Variants in CRB1 observed in about 807,000 individuals in gnomAD.
The protein encoded by CRB1 is crumbs cell polarity complex component 1.
In CRB1, 83 loss-of-function variants were observed where a neutral mutation model predicts 120.0. That is an observed-to-expected ratio of 0.69 (90% CI 0.58 to 0.83). The LOEUF (loss-of-function observed/expected upper bound fraction) is 0.83, where lower values mean the gene tolerates loss of function less well. CRB1 is among the 40% of genes least tolerant of loss of function. CRB1 has a pLI of 0.00. For missense variants in CRB1, 1,699 were observed against 1,687.6 expected, an observed-to-expected ratio of 1.01 and a Z score of -0.12; for synonymous variants, 625 against 612.5, an observed-to-expected ratio of 1.02 and a Z score of -0.30.
chr1:197,438,529 TTGC>T lies in CRB1; in HGVS notation c.3750-16_3750-14del. The T allele has an allele frequency of 6.2e-7, 1 of 1,611,386 alleles. No homozygotes were observed. The highest frequency in any genetic ancestry group is 8.5e-7 in the Non-Finnish European group (1 of 1,178,026). On this transcript the variant is annotated splice_polypyrimidine_tract_variant and intron_variant, in intron 9 of 11. Transcript: ENST00000367400. Reference sequence around the variant, plus strand: ...TGAACAAGATGAACAGCTGTGGCTCTTGCTTTTATCTCTCTAGACAGAGCAGAT... The same window carrying T: ...TGAACAAGATGAACAGCTGTGGCTCTTTTTATCTCTCTAGACAGAGCAGAT...
the CRB1 span, among the ~76,000 whole-genome samples, chr1:197,229,067 G>A: frequency 3.9e-5 from 6 of 152,078 alleles, no homozygotes; most frequent in Non-Finnish European, 5.9e-5. Context: ...TGAGATTTGG[G>A]TGGAGACACA....
At chr1:197,287,795 A>G (rs603431) in intron 1 of CRB1, among the ~76,000 whole-genome samples, 2,834 of 151,958 alleles carry the variant, frequency 0.019, 95 homozygotes, top group African/African-American at 0.065. Context: ...CATACATTAC[A>G]TTTTACAATT....
intron 1 of CRB1, among the ~76,000 whole-genome samples, chr1:197,302,218 C>T (rs1656905958): frequency 6.6e-6 from 1 of 152,164 alleles, no homozygotes; most frequent in African/African-American, 2.4e-5. Context: ...AGGCAAGACC[C>T]TCCACCAGCA....
the CRB1 span, among the ~76,000 whole-genome samples, chr1:197,255,996 T>TATATATATATATATACACAC: frequency 1.7e-5 from 2 of 116,710 alleles, no homozygotes; most frequent in Non-Finnish European, 3.5e-5. Flanking sequence ...TATATATATA[T>TATATATATATATATACACAC]ACACTACAAT....
chr1:197,231,699 G>A, the CRB1 span, among the ~76,000 whole-genome samples: 19 of 152,192 alleles, frequency 1.2e-4, no homozygotes, highest in Admixed American at 1.2e-3. Flanking sequence ...GATATACCAT[G>A]TATATGGAAA....
At chr1:197,348,805 A>G (rs943602158) in intron 4 of CRB1, among the ~76,000 whole-genome samples, 5 of 152,108 alleles carry the variant, frequency 3.3e-5, no homozygotes, top group Non-Finnish European at 7.4e-5. Context: ...ACAGCTGTAC[A>G]TGTGTTTGTG....
In CRB1 at chr1:197,290,711, A is replaced by T. The variant is rs189548633; in HGVS notation, c.70+22229A>T. 1.2e-4 allele frequency among the ~76,000 whole-genome samples: 18 copies of T among 151,790 alleles called. No individual in the cohort carries two copies. The East Asian group carries it at 3.3e-3, about 28-fold the overall frequency. On this transcript the variant is annotated intron_variant, in intron 1 of 11. Transcript: ENST00000367400. Reference sequence around the variant, plus strand: ...ATTTAAATAATATTTGTTGTATTTGATTCATTATTTCTGATTATTTGTAAT... The same window carrying T: ...ATTTAAATAATATTTGTTGTATTTGTTTCATTATTTCTGATTATTTGTAAT...
At chr1:197,407,192 G>A (rs1663456436) in intron 5 of CRB1, among the ~76,000 whole-genome samples, 1 of 152,132 alleles carries the variant, frequency 6.6e-6, no homozygotes, top group Admixed American at 6.5e-5. Flanking sequence ...AAAATATGGA[G>A]GAAAATTTCT....
At chr1:197,477,303 G>T (rs536886346) in intron 11 of CRB1, among the ~76,000 whole-genome samples, 1 of 152,292 alleles carries the variant, frequency 6.6e-6, no homozygotes, top group South Asian at 2.1e-4. Context: ...GGAGGAAAGA[G>T]ATCATGAATA....
At chr1:197,237,675 T>G in the CRB1 span, among the ~76,000 whole-genome samples, 8 of 152,214 alleles carry the variant, frequency 5.3e-5, no homozygotes, top group African/African-American at 1.9e-4. Flanking sequence ...AGTATTCCTT[T>G]TTATTGTCCA....
At chr1:197,229,029 G>A in the CRB1 span, among the ~76,000 whole-genome samples, 3 of 152,166 alleles carry the variant, frequency 2.0e-5, no homozygotes, top group Non-Finnish European at 2.9e-5. Flanking sequence ...CCCATAGAAT[G>A]TGGTAATTAT....
At chr1:197,420,001 A>G (rs1028068850) in intron 5 of CRB1, among the ~76,000 whole-genome samples, 1 of 28,386 alleles carries the variant, frequency 3.5e-5, no homozygotes, top group African/African-American at 4.4e-5. Flanking sequence ...AAAAAAAAAC[A>G]AACAAAAAAA....
chr1:197,379,605 CAAA>C (rs75820081), intron 5 of CRB1, among the ~76,000 whole-genome samples: 6 of 74,376 alleles, frequency 8.1e-5, no homozygotes, highest in South Asian at 5.8e-4. Flanking sequence ...CGGCCCCGGC[CAAA>C]AAAAAAAAAA....
intron 8 of CRB1, among the ~76,000 whole-genome samples, chr1:197,430,065 G>T (rs1664800991): frequency 6.6e-6 from 1 of 152,112 alleles, no homozygotes; most frequent in Non-Finnish European, 1.5e-5. Context: ...ATGATTCTAT[G>T]ACCTTATCTG....
intron 11 of CRB1, chr1:197,447,600 G>A (rs532793225): frequency 6.6e-6 from 1 of 152,068 alleles, no homozygotes; most frequent in Non-Finnish European, 1.5e-5. Context: ...CCAGCATTTT[G>A]GGAGGCCTAT....
intron 4 of CRB1, among the ~76,000 whole-genome samples, chr1:197,352,343 C>T (rs1342662665): frequency 6.6e-6 from 1 of 151,940 alleles, no homozygotes; most frequent in Non-Finnish European, 1.5e-5. Context: ...CTAATGTTCA[C>T]GATTGGAATG....
At chr1:197,407,899 T>C (rs1328691824) in intron 5 of CRB1, among the ~76,000 whole-genome samples, 1 of 152,202 alleles carries the variant, frequency 6.6e-6, no homozygotes, top group East Asian at 1.9e-4. Context: ...AACCTTTGCA[T>C]TGAATAAAGA....
rs186673552 is a variant in CRB1 at position 197,354,896 on chromosome 1, C to T, written c.989-1935C>T. On this transcript the variant is annotated intron_variant, in intron 4 of 11. Transcript: ENST00000367400. ...TCCTGCTGATTGGTCCATTTTACAG[C>T]GAGCCAATTGGTCTGTTTTACAGAG... Among the ~76,000 whole-genome samples the T allele has an allele frequency of 7.5e-3, 937 of 125,182 alleles. 9 individuals carry two copies. Among genetic ancestry groups the T allele is most frequent in the African/African-American group, 0.025 (863 of 33,924 alleles). 82.1% of individuals were successfully genotyped at this position (125,182 alleles called of 152,430 possible).
intron 4 of CRB1, among the ~76,000 whole-genome samples, chr1:197,349,072 C>T (rs901189316): frequency 6.6e-6 from 1 of 152,184 alleles, no homozygotes; most frequent in Non-Finnish European, 1.5e-5. Flanking sequence ...TAGTACCCTA[C>T]ACAGGTGTAC....
Sources: gnomAD v4.1 joint callset for allele counts (sites outside exome capture counted in the v4.1 genomes callset) on GRCh38, gnomAD v4.1.1 for gene constraint, MANE v1.5 for transcripts, NCBI Gene and HGNC (gene_info 2026-07-23, HGNC 2026-07-21) for gene names.